Variants in ZNF492 observed in about 807,000 individuals in gnomAD.
ZNF492 encodes zinc finger protein 492, also known as zinc finger protein 115 (Y20).
Under a neutral mutation model 6.4 loss-of-function variants are expected in ZNF492, and 3 were observed. The observed-to-expected ratio is 0.47, with a 90% confidence interval of 0.21 to 1.22. The LOEUF (loss-of-function observed/expected upper bound fraction) is 1.22. Ranked by LOEUF, ZNF492 falls within the 50% of genes most tolerant of loss-of-function variation. The probability of loss-of-function intolerance (pLI) is 0.22; values close to 1 mark genes in which losing one functional copy is unlikely to be tolerated. For missense variants in ZNF492, 356 were observed against 612.5 expected, an observed-to-expected ratio of 0.58 and a Z score of 4.42; for synonymous variants, 112 against 205.3, an observed-to-expected ratio of 0.55 and a Z score of 3.89.
At chr19:22,640,819 C>T (rs1971818729) in intron 1 of ZNF492, among the ~76,000 whole-genome samples, 1 of 151,944 alleles carries the variant, frequency 6.6e-6, no homozygotes, top group African/African-American at 2.4e-5. Context: ...CTATTAAGGG[C>T]TTTGATTTAT....
In ZNF492 at chr19:22,667,311, CT is replaced by C. The variant is rs1300578227; in HGVS notation, c.*2052del. Reference sequence around the variant, plus strand: ...ATGCACTAACATCTGTAGTACTAATCTTTTTTCCAGTGGCTTTAAACTGCAA... The same window carrying C: ...ATGCACTAACATCTGTAGTACTAATCTTTTTCCAGTGGCTTTAAACTGCAA... On this transcript the variant is annotated 3_prime_UTR_variant, in exon 4 of 4. Coordinates refer to ENST00000456783, the MANE Select transcript of ZNF492 (RefSeq NM_020855.3). The C allele has an allele frequency of 3.3e-5, 5 of 152,236 alleles. No individual in the cohort carries two copies. Among genetic ancestry groups the C allele is most frequent in the Admixed American group, 1.3e-4 (2 of 15,274 alleles). The allele number at this position is 152,236 out of a possible 1,614,324, so 9.4% of individuals were successfully genotyped here.
chr19:22,664,117 T>C lies in ZNF492; in HGVS notation c.448T>C (p.Phe150Leu), dbSNP rs543846748. 1 of 1,604,484 alleles carries C rather than the reference T, an allele frequency of 6.2e-7. No individual in the cohort carries two copies. Among genetic ancestry groups the C allele is most frequent in the East Asian group, 2.2e-5 (1 of 44,686 alleles). ...SFKCKECEKS[F>L]CMLSHLAQHK... ...CAAATGTAAAGAATGTGAAAAGTCATTTTGCATGCTTTCACACTTAGCTCA... is the reference window on the plus strand; with the variant it reads ...CAAATGTAAAGAATGTGAAAAGTCACTTTGCATGCTTTCACACTTAGCTCA... The change falls in exon 4 of 4, where the codon TTT (phenylalanine) becomes CTT (leucine). Residue 150 changes from phenylalanine (F) to leucine (L), a missense_variant. Coordinates refer to ENST00000456783, the MANE Select transcript of ZNF492 (RefSeq NM_020855.3).
rs1790779913 is a variant in ZNF492, at chr19:22,667,555, T to G, written c.*2290T>G. The G allele has an allele frequency of 1.3e-5, 2 of 152,170 alleles. No homozygotes were observed. The highest frequency in any genetic ancestry group is 2.4e-5 in the African/African-American group (1 of 41,566). 9.4% of individuals were successfully genotyped at this position (152,170 alleles called of 1,614,324 possible). ...GAACAGTTCAATTGTACAGTTTTAG[T>G]TTTTTTAAAATATACGATTGTTATT... On this transcript the variant is annotated 3_prime_UTR_variant, in exon 4 of 4. Coordinates refer to ENST00000456783, the MANE Select transcript of ZNF492 (RefSeq NM_020855.3).
At chr19:22,637,535 A>G (rs1340271584) in intron 1 of ZNF492, among the ~76,000 whole-genome samples, 3 of 152,044 alleles carry the variant, frequency 2.0e-5, no homozygotes, top group Non-Finnish European at 4.4e-5. Flanking sequence ...AGCTCAGGCA[A>G]TTTACCTGCC....
chr19:22,637,246 G>A (rs780618716), intron 1 of ZNF492, among the ~76,000 whole-genome samples: 5 of 151,930 alleles, frequency 3.3e-5, no homozygotes, highest in Non-Finnish European at 5.9e-5. Context: ...CAAAGTGCTG[G>A]GATTACAGGC....
chr19:22,649,181 C>T (rs574672648), intron 1 of ZNF492, among the ~76,000 whole-genome samples: 58 of 152,252 alleles, frequency 3.8e-4, no homozygotes, highest in African/African-American at 1.3e-3. Flanking sequence ...TCTTTTTCTA[C>T]TCATGCAGCT....
intron 3 of ZNF492, among the ~76,000 whole-genome samples, chr19:22,661,801 G>A (rs139302390): frequency 6.6e-6 from 1 of 151,884 alleles, no homozygotes; most frequent in Non-Finnish European, 1.5e-5. Flanking sequence ...TCACTATGTT[G>A]CCCAGGCTTG....
intron 1 of ZNF492, among the ~76,000 whole-genome samples, chr19:22,639,161 T>A (rs570590054): frequency 6.6e-5 from 10 of 152,206 alleles, no homozygotes; most frequent in African/African-American, 2.4e-4. Context: ...TCTTTATCCA[T>A]GAGCACAAAA....
chr19:22,667,298 C>A lies in ZNF492; in HGVS notation c.*2033C>A, dbSNP rs1220548207. On this transcript the variant is annotated 3_prime_UTR_variant, in exon 4 of 4. Coordinates refer to ENST00000456783, the MANE Select transcript of ZNF492 (RefSeq NM_020855.3). ...ATTTGGTAAAAGAATGCACTAACAT[C>A]TGTAGTACTAATCTTTTTTCCAGTG... is the stretch of plus-strand genomic sequence containing the variant. 2 of 152,120 alleles carry A rather than the reference C, an allele frequency of 1.3e-5. No homozygotes were observed. Among genetic ancestry groups the A allele is most frequent in the Non-Finnish European group, 2.9e-5 (2 of 68,020 alleles). The allele number at this position is 152,120 out of a possible 1,614,324, so 9.4% of individuals were successfully genotyped here.
intron 1 of ZNF492, among the ~76,000 whole-genome samples, chr19:22,637,150 T>A (rs1971777083): frequency 6.6e-6 from 1 of 151,638 alleles, no homozygotes; most frequent in South Asian, 2.1e-4. Context: ...TATTTATTTT[T>A]ATTTTTTTAG....
At chr19:22,639,212 T>G (rs914110241) in intron 1 of ZNF492, among the ~76,000 whole-genome samples, 3 of 152,154 alleles carry the variant, frequency 2.0e-5, no homozygotes, top group African/African-American at 7.2e-5. Context: ...CTTCAAGCAG[T>G]GTTTTCACAG....
At chr19:22,634,867 C>G (rs1030133676) in intron 1 of ZNF492, among the ~76,000 whole-genome samples, 49 of 152,148 alleles carry the variant, frequency 3.2e-4, no homozygotes, top group African/African-American at 1.1e-3. Flanking sequence ...TTCCTCTTTT[C>G]TTCTATTAAA....
At chr19:22,652,682 C>T (rs2145253832) in intron 1 of ZNF492, among the ~76,000 whole-genome samples, 1 of 151,786 alleles carries the variant, frequency 6.6e-6, no homozygotes, top group South Asian at 2.1e-4. Flanking sequence ...GGGGTTCATG[C>T]CATTCTCCTG....
chr19:22,653,976 T>G lies in ZNF492; in HGVS notation c.91T>G (p.Trp31Gly). The G allele has an allele frequency of 6.2e-7, 1 of 1,601,640 alleles. No homozygotes were observed. Among genetic ancestry groups the G allele is most frequent in the Non-Finnish European group, 8.5e-7 (1 of 1,177,132 alleles). ...ITCLEQGKEP[W>G]NVKRHEMVAE... The stretch of plus-strand genomic sequence containing the variant: ...CTGTCTGGAGCAAGGAAAAGAACCT[T>G]GGAATGTGAAGAGACATGAGATGGT... Residue 31 changes from tryptophan (W) to glycine (G), a missense_variant, in exon 3 of 4, where the codon TGG becomes GGG. Physicochemically the swap from Trp to Gly is radical, Grantham distance 184. This residue lies in a region of ZNF492 where 196 missense variants were observed against 219.4 expected (regional missense o/e 0.89). Coordinates refer to ENST00000456783, the MANE Select transcript of ZNF492 (RefSeq NM_020855.3).
chr19:22,649,140 C>T (rs1971914207), intron 1 of ZNF492, among the ~76,000 whole-genome samples: 1 of 152,192 alleles, frequency 6.6e-6, no homozygotes, highest in Admixed American at 6.5e-5. Flanking sequence ...CAAAATCCCT[C>T]AGCATTTGCT....
chr19:22,649,803 T>G (rs1971921335), intron 1 of ZNF492, among the ~76,000 whole-genome samples: 1 of 152,200 alleles, frequency 6.6e-6, no homozygotes, highest in African/African-American at 2.4e-5. Flanking sequence ...TCATTTATGT[T>G]CCTCTCTAAA....
chr19:22,655,208 C>A (rs182165326), intron 3 of ZNF492, among the ~76,000 whole-genome samples: 3 of 151,594 alleles, frequency 2.0e-5, no homozygotes, highest in Non-Finnish European at 4.4e-5. Flanking sequence ...GCGGAAGAAT[C>A]GCTTGAACCT....
At chr19:22,642,972 C>A (rs1971843436) in intron 1 of ZNF492, among the ~76,000 whole-genome samples, 1 of 152,088 alleles carries the variant, frequency 6.6e-6, no homozygotes, top group African/African-American at 2.4e-5. Flanking sequence ...ACTTACAATG[C>A]AAAAGCAAGG....
chr19:22,641,746 T>C (rs921657680), intron 1 of ZNF492, among the ~76,000 whole-genome samples: 1 of 152,184 alleles, frequency 6.6e-6, no homozygotes, highest in Non-Finnish European at 1.5e-5. Flanking sequence ...TCTTCATAGG[T>C]CTCTAACAAC....
Sources: allele counts gnomAD v4.1 joint callset (sites outside exome capture counted in the v4.1 genomes callset), GRCh38; gene constraint gnomAD v4.1.1; regional missense constraint gnomAD v4.1.1; transcripts MANE v1.5; gene names NCBI Gene and HGNC (gene_info 2026-07-23, HGNC 2026-07-21).